The following SNU13 variants were observed in gnomAD, a reference collection of about 807,000 sequenced individuals.
The protein encoded by SNU13 is NHP2-like protein 1.
In SNU13, 2 loss-of-function variants were observed where a neutral mutation model predicts 12.4. That is an observed-to-expected ratio of 0.16 (90% CI 0.07 to 0.51). The LOEUF (loss-of-function observed/expected upper bound fraction) is 0.51, where lower values mean the gene tolerates loss of function less well. Among genes scored for constraint, SNU13 ranks in the 20% least tolerant of loss-of-function variants. SNU13 has a pLI of 0.96. For missense variants in SNU13, 66 were observed against 157.8 expected (o/e 0.42, Z 3.12); for synonymous variants, 68 against 66.5 (o/e 1.02, Z -0.11).
At chr22:41,680,139 G>C (rs1403218442) in intron 2 of SNU13, 105 bp downstream of exon 2, 7 of 1,370,492 alleles carry the variant, frequency 5.1e-6, no homozygotes, top group Non-Finnish European at 6.8e-6. Context: ...ACTGGTTGTA[G>C]TCGAGAGCAG....
upstream of SNU13, chr22:41,689,013 C>G: frequency 7.6e-7 from 1 of 1,317,836 alleles, no homozygotes; most frequent in Non-Finnish European, 9.8e-7. Flanking sequence ...CTTTGGCGTT[C>G]TTATGAGCTG....
At chr22:41,690,327 C>G (rs985994642), upstream of SNU13, 14 of 701,864 alleles carry the variant, frequency 2.0e-5, no homozygotes, top group African/African-American at 2.5e-4. Flanking sequence ...TTATATCACC[C>G]CATCACACAT....
At chr22:41,689,037 AT>A (rs1268104014), upstream of SNU13, 8 of 1,253,434 alleles carry the variant, frequency 6.4e-6, no homozygotes, top group African/African-American at 9.1e-5. Flanking sequence ...AGTACAAATT[AT>A]TGGCAGAAAC....
chr22:41,685,919 G>A (rs900486088), intron 1 of SNU13, among the ~76,000 whole-genome samples: 8 of 150,096 alleles, frequency 5.3e-5, no homozygotes, highest in Non-Finnish European at 1.2e-4. Context: ...AGTGAGTCAA[G>A]ATCGTGCCAC....
chr22:41,689,064 C>A (rs2068338713), upstream of SNU13: 1 of 1,213,944 alleles, frequency 8.2e-7, no homozygotes, highest in Non-Finnish European at 1.0e-6. Context: ...ATTAAACATT[C>A]AAAAAGTAAC....
chr22:41,685,424 G>C (rs1044131697), intron 1 of SNU13, among the ~76,000 whole-genome samples: 2 of 151,914 alleles, frequency 1.3e-5, no homozygotes, highest in Admixed American at 6.6e-5. Context: ...CACAATCTCG[G>C]CTCACCGCAA....
chr22:41,688,919 A>G, upstream of SNU13: 5 of 1,454,998 alleles, frequency 3.4e-6, no homozygotes, highest in Non-Finnish European at 4.6e-6. Context: ...CAGGAAGCGA[A>G]GGTGACGCTA....
At chr22:41,682,800 C>G (rs73161340) in intron 1 of SNU13, among the ~76,000 whole-genome samples, 2,474 of 152,156 alleles carry the variant, frequency 0.016, 49 homozygotes, top group Admixed American at 0.059. Flanking sequence ...AGGTGACCGC[C>G]ATCACGGCCG....
chr22:41,688,828 G>T lies in SNU13; in HGVS notation c.-32C>A, dbSNP rs2068335327. Reference sequence around the variant, plus strand: ...GGTTCCGCGGGCTCAGCACTCCTAGGGGAGCGCAGCTGACGTTTCAGAAGC... The same window carrying T: ...GGTTCCGCGGGCTCAGCACTCCTAGTGGAGCGCAGCTGACGTTTCAGAAGC... On this transcript the variant is annotated 5_prime_UTR_variant, in exon 1 of 3. Coordinates refer to ENST00000401959, the MANE Select transcript of SNU13 (RefSeq NM_001003796.2). 5 of 1,579,720 alleles carry T rather than the reference G, an allele frequency of 3.2e-6. No homozygotes were observed. The highest frequency in any genetic ancestry group is 2.7e-5 in the African/African-American group (2 of 74,360).
In SNU13 at chr22:41,674,883, A is replaced by C. The variant is rs1190181062; in HGVS notation, c.*50T>G. 3 of 1,594,762 alleles carry C rather than the reference A, an allele frequency of 1.9e-6. No homozygotes were observed. The African/African-American group carries it at 4.0e-5, about 21-fold the overall frequency. On this transcript the variant is annotated 3_prime_UTR_variant, in exon 3 of 3. Coordinates refer to ENST00000401959, the MANE Select transcript of SNU13 (RefSeq NM_001003796.2). ...CATGCTAACACAGATAATATGATAC[A>C]CAACCTCAGGGGGGAAGCTGGCAGG...
chr22:41,681,370 G>A (rs2068261525), intron 1 of SNU13: 1 of 152,146 alleles, frequency 6.6e-6, no homozygotes, highest in Non-Finnish European at 1.5e-5. Flanking sequence ...TAGTCAGCTT[G>A]CTTTAAATTT....
At chr22:41,681,042 A>G (rs1456267666) in intron 1 of SNU13, among the ~76,000 whole-genome samples, 2 of 152,242 alleles carry the variant, frequency 1.3e-5, no homozygotes, top group Non-Finnish European at 2.9e-5. Flanking sequence ...TACTGAATCA[A>G]TAAGATATAA....
chr22:41,687,944 T>A (rs1444234655), intron 1 of SNU13: 1 of 152,202 alleles, frequency 6.6e-6, no homozygotes, highest in Non-Finnish European at 1.5e-5. Context: ...TCAAAATGCA[T>A]GGGAGGAGGT....
At chr22:41,675,371 A>G (rs940139416) in intron 2 of SNU13, among the ~76,000 whole-genome samples, 176 bp from the exon 3 acceptor site, 7 of 152,118 alleles carry the variant, frequency 4.6e-5, no homozygotes, top group African/African-American at 1.4e-4. Flanking sequence ...CAAGCCCTAC[A>G]TTAAATCCAC....
chr22:41,687,362 GT>G (rs1413128901), intron 1 of SNU13, among the ~76,000 whole-genome samples: 2 of 152,132 alleles, frequency 1.3e-5, no homozygotes, highest in Non-Finnish European at 2.9e-5. Context: ...AATTGCCATT[GT>G]TTCCAACAAC....
intron 1 of SNU13, chr22:41,682,375 G>C: frequency 6.2e-7 from 1 of 1,614,072 alleles, no homozygotes; most frequent in Non-Finnish European, 8.5e-7. Context: ...TGTCTTGGTA[G>C]TCTCTTGCCG....
intron 1 of SNU13, chr22:41,682,260 T>A (rs2068270081): frequency 1.4e-6 from 2 of 1,382,198 alleles, no homozygotes; most frequent in African/African-American, 2.8e-5. Flanking sequence ...CCTCCTTCCG[T>A]TTTTTTACAG....
At chr22:41,680,072 G>A (rs1455954922) in intron 2 of SNU13, among the ~76,000 whole-genome samples, 172 bp downstream of exon 2, 1 of 152,022 alleles carries the variant, frequency 6.6e-6, no homozygotes, top group Non-Finnish European at 1.5e-5. Flanking sequence ...AACAATTGGT[G>A]GGTCTAAAAA....
rs2068250841 is a variant in SNU13, at chr22:41,680,239, C to A, written c.124+5G>T. The A allele has an allele frequency of 1.2e-5, 19 of 1,612,692 alleles. No homozygotes were observed. The highest frequency in any genetic ancestry group is 1.6e-5 in the Non-Finnish European group (19 of 1,179,192). The stretch of plus-strand genomic sequence containing the variant: ...TTCCCCCAGAGCATCCTGTGGCTGC[C>A]TTACCCTCATTGGCTCCTTTCCGAA... On this transcript the variant is annotated splice_donor_5th_base_variant and intron_variant, in intron 2 of 2. Coordinates refer to ENST00000401959, the MANE Select transcript of SNU13 (RefSeq NM_001003796.2).
Sources: gnomAD v4.1 joint callset for allele counts (sites outside exome capture counted in the v4.1 genomes callset) on GRCh38, gnomAD v4.1.1 for gene constraint, MANE v1.5 for transcripts, NCBI Gene and HGNC (gene_info 2026-07-23, HGNC 2026-07-21) for gene names.